The following TMEM178B variants were observed in gnomAD, a reference collection of about 807,000 sequenced individuals.
TMEM178B encodes the protein transmembrane protein 178B.
Under a neutral mutation model 31.0 loss-of-function variants are expected in TMEM178B, and 5 were observed. The ratio of observed to expected loss-of-function variants is 0.16; its 90% CI spans 0.08 to 0.34. The LOEUF (loss-of-function observed/expected upper bound fraction) is 0.34. TMEM178B is among the 10% of genes least tolerant of loss of function. The probability of loss-of-function intolerance (pLI) is 1.00; values close to 1 mark genes in which losing one functional copy is unlikely to be tolerated. For missense variants in TMEM178B, 275 were observed against 400.3 expected (o/e 0.69, Z 2.67); for synonymous variants, 164 against 164.0 (o/e 1.00, Z 0.00).
chr7:141,334,817 GGT>G (rs1195008164), intron 2 of TMEM178B, among the ~76,000 whole-genome samples: 1 of 152,162 alleles, frequency 6.6e-6, no homozygotes, highest in Admixed American at 6.5e-5. Context: ...TCCAGGAGAG[GGT>G]TCTATTAAAT....
chr7:141,269,241 C>T lies in TMEM178B; in HGVS notation c.496+56537C>T, dbSNP rs531340693. Among the ~76,000 whole-genome samples, 82 of 152,102 alleles carry T rather than the reference C, an allele frequency of 5.4e-4. 1 individual carries two copies. The South Asian group carries it at 0.017, about 31-fold the overall frequency. On this transcript the variant is annotated intron_variant, in intron 2 of 3. Transcript: ENST00000565468. The stretch of plus-strand genomic sequence containing the variant: ...AAGTAGCTGGGACTACAGGTGCACG[C>T]CACCATGCCCAGCTAATTTTTGTAT...
intron 2 of TMEM178B, among the ~76,000 whole-genome samples, chr7:141,242,838 A>G (rs1043719242): frequency 6.6e-6 from 1 of 152,030 alleles, no homozygotes; most frequent in Non-Finnish European, 1.5e-5. Flanking sequence ...CCACCGTGCC[A>G]GGCCCCGATT....
chr7:141,286,506 C>T (rs1316428940), intron 2 of TMEM178B, among the ~76,000 whole-genome samples: 5 of 152,324 alleles, frequency 3.3e-5, no homozygotes, highest in African/African-American at 7.2e-5. Flanking sequence ...TAATCATTCA[C>T]GTGGTAGACA....
At position 141,171,334 on chromosome 7, in the gene TMEM178B, T is replaced by C. The variant is rs763246062; in HGVS notation, c.383-41257T>C. Among the ~76,000 whole-genome samples, 23 of 152,314 alleles carry C rather than the reference T, an allele frequency of 1.5e-4. No homozygotes were observed. The highest frequency in any genetic ancestry group is 2.2e-4 in the Non-Finnish European group (15 of 68,030). On this transcript the variant is annotated intron_variant, in intron 1 of 3. Coordinates refer to ENST00000565468, the MANE Select transcript of TMEM178B (RefSeq NM_001195278.2). This position sits in a 1 kb window ranked among gnomAD's most constrained non-coding sequence, Gnocchi z 4.3. ...ACTTTTTACTATGTGATAGGCAGTG[T>C]TCTAAGTGCTTACACACATTATCTT...
At chr7:141,382,293 C>T (rs114782825) in intron 2 of TMEM178B, among the ~76,000 whole-genome samples, 1,706 of 152,288 alleles carry the variant, frequency 0.011, 25 homozygotes, top group African/African-American at 0.038. Flanking sequence ...CTGGCTGTCT[C>T]TCCACCTCTT....
chr7:141,231,229 T>C (rs1797437900), intron 2 of TMEM178B, among the ~76,000 whole-genome samples: 1 of 152,148 alleles, frequency 6.6e-6, no homozygotes, highest in South Asian at 2.1e-4. Context: ...TCAGTGCATA[T>C]TTATTGAATG....
At chr7:141,251,020 A>G (rs1265279214) in intron 2 of TMEM178B, among the ~76,000 whole-genome samples, 1 of 152,058 alleles carries the variant, frequency 6.6e-6, no homozygotes, top group East Asian at 1.9e-4. Context: ...GTTTCCCTAA[A>G]GGGTCAGCTA....
chr7:141,293,353 T>C (rs927774271), intron 2 of TMEM178B, among the ~76,000 whole-genome samples: 13 of 152,132 alleles, frequency 8.5e-5, no homozygotes, highest in African/African-American at 3.1e-4. Flanking sequence ...TCACTAGGAG[T>C]ATGGTCTTTG....
chr7:141,212,444 TGAG>T, intron 1 of TMEM178B, 144 bp from the exon 2 acceptor site: 1 of 637,418 alleles, frequency 1.6e-6, no homozygotes, highest in South Asian at 1.9e-5. Flanking sequence ...TTGCTCTTTT[TGAG>T]TTGAAGGTAT....
chr7:141,383,098 G>A (rs144021414), intron 2 of TMEM178B, among the ~76,000 whole-genome samples: 10 of 152,266 alleles, frequency 6.6e-5, no homozygotes, highest in East Asian at 3.9e-4. Flanking sequence ...TTGATAGTGC[G>A]TGAGTTCACA....
intron 2 of TMEM178B, among the ~76,000 whole-genome samples, chr7:141,367,821 T>TTAA (rs1462745937): frequency 6.6e-6 from 1 of 151,912 alleles, no homozygotes; most frequent in African/African-American, 2.4e-5. Context: ...TGAGAGGTGG[T>TTAA]TAACCAAGGG....
intron 2 of TMEM178B, among the ~76,000 whole-genome samples, chr7:141,435,983 TC>T (rs1207946908): frequency 2.0e-5 from 3 of 152,038 alleles, no homozygotes; most frequent in Non-Finnish European, 4.4e-5. Context: ...CTGCTGCTGT[TC>T]CCCTCCTGTG....
chr7:141,152,270 C>G (rs1054683840), intron 1 of TMEM178B, among the ~76,000 whole-genome samples: 1 of 152,152 alleles, frequency 6.6e-6, no homozygotes, highest in South Asian at 2.1e-4. Flanking sequence ...AGCAGCCGGG[C>G]TTTTCGGCCT....
rs377763369 is a variant in TMEM178B, at chr7:141,427,648, G to A, written c.497-9960G>A. Among the ~76,000 whole-genome samples, 17 of 152,148 alleles carry A rather than the reference G, an allele frequency of 1.1e-4. No homozygotes were observed. In the South Asian group the frequency reaches 3.3e-3, roughly 30 times the overall value. ...GTTTCATGACATTGGTCTGGGCAAGGATTTTTTTTTATATGAGACCTCAAA... is the reference window on the plus strand; with the variant it reads ...GTTTCATGACATTGGTCTGGGCAAGAATTTTTTTTTATATGAGACCTCAAA... On this transcript the variant is annotated intron_variant, in intron 2 of 3. Coordinates refer to ENST00000565468, the MANE Select transcript of TMEM178B (RefSeq NM_001195278.2).
chr7:141,375,914 G>T (rs1340604083), intron 2 of TMEM178B, among the ~76,000 whole-genome samples: 1 of 152,216 alleles, frequency 6.6e-6, no homozygotes, highest in South Asian at 2.1e-4. Flanking sequence ...CCATCGGCCT[G>T]CAGGAGTTCA....
chr7:141,329,693 T>C (rs564038291), intron 2 of TMEM178B, among the ~76,000 whole-genome samples: 14 of 152,340 alleles, frequency 9.2e-5, no homozygotes, highest in African/African-American at 3.4e-4. Flanking sequence ...AAAATCAACC[T>C]GTGTTCCAGA....
intron 2 of TMEM178B, among the ~76,000 whole-genome samples, chr7:141,264,540 G>A (rs559264435): frequency 6.6e-6 from 1 of 152,326 alleles, no homozygotes; most frequent in East Asian, 1.9e-4. Flanking sequence ...GAAGGGATCC[G>A]CTATGAAGAA....
intron 1 of TMEM178B, among the ~76,000 whole-genome samples, chr7:141,076,376 G>A (rs1445090161): frequency 1.3e-5 from 2 of 152,252 alleles, no homozygotes; most frequent in East Asian, 3.8e-4. Context: ...GAGAATTCAT[G>A]TTAATAATGA....
intron 2 of TMEM178B, among the ~76,000 whole-genome samples, chr7:141,308,590 A>G (rs1007018579): frequency 1.3e-5 from 2 of 152,150 alleles, no homozygotes; most frequent in Non-Finnish European, 2.9e-5. Flanking sequence ...TAGAACCCCA[A>G]TATGTAAAAC....
Sources: allele counts gnomAD v4.1 joint callset (sites outside exome capture counted in the v4.1 genomes callset), GRCh38; gene constraint gnomAD v4.1.1; non-coding constraint Gnocchi (gnomAD v3.1); transcripts MANE v1.5; gene names NCBI Gene and HGNC (gene_info 2026-07-23, HGNC 2026-07-21).